The following CEP41 variants were observed in gnomAD, a reference collection of about 807,000 sequenced individuals.
CEP41 encodes centrosomal protein of 41 kDa.
In CEP41, 32 loss-of-function variants were observed where a neutral mutation model predicts 44.3. The observed-to-expected ratio is 0.72, with a 90% confidence interval of 0.54 to 0.97. The LOEUF (loss-of-function observed/expected upper bound fraction) is 0.97, where lower values mean the gene tolerates loss of function less well. CEP41 is among the 50% of genes least tolerant of loss of function. The pLI, the probability that CEP41 is intolerant of heterozygous loss-of-function variation, is 0.00. For synonymous variants in CEP41, 151 were observed against 168.5 expected, an observed-to-expected ratio of 0.90 and a Z score of 0.80; for missense variants, 432 against 455.2, an observed-to-expected ratio of 0.95 and a Z score of 0.46.
chr7:130,419,292 T>C (rs1161419383), intron 2 of CEP41: 22 of 985,446 alleles, frequency 2.2e-5, no homozygotes, highest in Non-Finnish European at 2.7e-5. Context: ...AATGGAGGAT[T>C]TCTTCCTTGC....
At chr7:130,425,719 T>C (rs1554423278) in intron 2 of CEP41, among the ~76,000 whole-genome samples, 1 of 152,392 alleles carries the variant, frequency 6.6e-6, no homozygotes, top group African/African-American at 2.4e-5. Context: ...ATAGCACTTA[T>C]ACTTTAATAG....
At chr7:130,437,193 T>C (rs1291753964) in intron 1 of CEP41, among the ~76,000 whole-genome samples, 3 of 152,016 alleles carry the variant, frequency 2.0e-5, no homozygotes, top group African/African-American at 7.3e-5. Flanking sequence ...GAACCAGTCA[T>C]ATAGGTTATC....
At chr7:130,403,850 T>C (rs1415769575) in intron 6 of CEP41, among the ~76,000 whole-genome samples, 1 of 152,236 alleles carries the variant, frequency 6.6e-6, no homozygotes, top group Non-Finnish European at 1.5e-5. Context: ...AAAGTAACTA[T>C]AATAATATAA....
rs67847969 is a variant in CEP41 at position 130,428,428 on chromosome 7, CAAAAAAAAAAA to C, written c.34-421_34-411del. Among the ~76,000 whole-genome samples, 153 of 38,090 alleles carry C rather than the reference CAAAAAAAAAAA, an allele frequency of 4.0e-3. 1 individual carries two copies. The highest frequency in any genetic ancestry group is 0.016 in the African/African-American group (144 of 8,924). 25.0% of individuals were successfully genotyped at this position (38,090 alleles called of 152,430 possible). A position where few individuals can be genotyped will look rare whatever the true frequency, so the allele number is the denominator to read the frequency against. On this transcript the variant is annotated intron_variant, in intron 1 of 10. Coordinates refer to ENST00000223208, the MANE Select transcript of CEP41 (RefSeq NM_018718.3). ...TGGGTGACAGAGAGAGACTCTGACT[CAAAAAAAAAAA>C]AAAAAAAAAAAAAAGATGGAATGAG...
In CEP41 at chr7:130,397,505, CATTT is replaced by C; in HGVS notation, c.*1382_*1385del. 6 of 371,204 alleles carry C rather than the reference CATTT, an allele frequency of 1.6e-5. No homozygotes were observed. The highest frequency in any genetic ancestry group is 7.3e-5 in the South Asian group (4 of 54,478). 23.0% of individuals were successfully genotyped at this position (371,204 alleles called of 1,614,324 possible). A position where few individuals can be genotyped will look rare whatever the true frequency, so the allele number is the denominator to read the frequency against. On this transcript the variant is annotated 3_prime_UTR_variant, in exon 11 of 11. Coordinates refer to ENST00000223208, the MANE Select transcript of CEP41 (RefSeq NM_018718.3). The stretch of plus-strand genomic sequence containing the variant: ...CCCCCATGCTAGAAATACTGTGGTG[CATTT>C]TTTTTTTTTTTTTTTTTTTTTTTTG...
Position 130,394,166 on chromosome 7 carries a change from C to T in CEP41, c.*4725G>A, listed in dbSNP as rs781972597. The stretch of plus-strand genomic sequence containing the variant: ...CAAAGGAGAACATGGTTGTGCCCAC[C>T]CAGAGTGAGAAGCATAGAGCGGAGT... On this transcript the variant is annotated 3_prime_UTR_variant, in exon 11 of 11. Transcript: ENST00000223208. 1 of 453,918 alleles carries T rather than the reference C, an allele frequency of 2.2e-6. No individual in the cohort carries two copies. Among genetic ancestry groups the T allele is most frequent in the African/African-American group, 2.0e-5 (1 of 49,968 alleles). The allele number at this position is 453,918 out of a possible 1,614,324, so 28.1% of individuals were successfully genotyped here. A position where few individuals can be genotyped will look rare whatever the true frequency, so the allele number is the denominator to read the frequency against.
chr7:130,418,568 C>T (rs1337204575), intron 2 of CEP41, among the ~76,000 whole-genome samples: 1 of 152,216 alleles, frequency 6.6e-6, no homozygotes, highest in African/African-American at 2.4e-5. Context: ...ATTGACGTGG[C>T]AGGTAGTTTC....
intron 2 of CEP41, 139 bp downstream of exon 2, chr7:130,427,816 A>G (rs1426060680): frequency 3.2e-6 from 2 of 631,482 alleles, no homozygotes; most frequent in Admixed American, 2.7e-5. Context: ...TTTCAAGGAT[A>G]AATCCTGAGC....
At chr7:130,429,718 T>C (rs1479815006) in intron 1 of CEP41, among the ~76,000 whole-genome samples, 1 of 152,214 alleles carries the variant, frequency 6.6e-6, no homozygotes, top group Non-Finnish European at 1.5e-5. Flanking sequence ...GCAAAATGTA[T>C]GTCCTCTGTA....
At chr7:130,431,719 G>C (rs782714645) in intron 1 of CEP41, among the ~76,000 whole-genome samples, 1 of 152,046 alleles carries the variant, frequency 6.6e-6, no homozygotes, top group Non-Finnish European at 1.5e-5. Context: ...ACTAGAGGGA[G>C]TACCAACAGT....
Position 130,416,907 on chromosome 7 carries a change from A to T in CEP41, c.145+12T>A. On this transcript the variant is annotated intron_variant, in intron 3 of 10. Coordinates refer to ENST00000223208, the MANE Select transcript of CEP41 (RefSeq NM_018718.3). ...ACTTCCACTCTCCCAAACCATCAAG[A>T]GTGTTACTTACTTTTCTTAATCTCT... The T allele has an allele frequency of 6.3e-7, 1 of 1,576,366 alleles. No homozygotes were observed. Among genetic ancestry groups the T allele is most frequent in the Non-Finnish European group, 8.7e-7 (1 of 1,145,674 alleles).
chr7:130,406,854 G>C (rs1258351549), intron 5 of CEP41, among the ~76,000 whole-genome samples: 2 of 151,638 alleles, frequency 1.3e-5, no homozygotes, highest in African/African-American at 4.8e-5. Context: ...AGCATTAGGA[G>C]ATATACCTAA....
At chr7:130,438,833 A>G (rs1584913477) in intron 1 of CEP41, among the ~76,000 whole-genome samples, 1 of 152,196 alleles carries the variant, frequency 6.6e-6, no homozygotes, top group Non-Finnish European at 1.5e-5. Flanking sequence ...TAGACAAATC[A>G]TAACTTTATA....
intron 9 of CEP41, 93 bp from the exon 10 acceptor site, chr7:130,400,347 T>C: frequency 1.1e-6 from 1 of 889,990 alleles, no homozygotes; most frequent in Non-Finnish European, 1.9e-6. Context: ...TAATCTCTGG[T>C]CATCAAGTTG....
intron 10 of CEP41, 51 bp from the exon 11 acceptor site, chr7:130,399,090 C>G (rs1554416205): frequency 6.2e-7 from 1 of 1,604,668 alleles, no homozygotes; most frequent in Non-Finnish European, 8.5e-7. Context: ...ATTCCAGGGA[C>G]AATCTGCCAA....
intron 2 of CEP41, 178 bp from the exon 3 acceptor site, chr7:130,417,144 A>C (rs1264744353): frequency 7.1e-7 from 1 of 1,415,962 alleles, no homozygotes. Flanking sequence ...AGCGTTATTA[A>C]AAGTTGCAGA....
chr7:130,411,283 A>G, intron 4 of CEP41, 92 bp from the exon 5 acceptor site: 1 of 988,526 alleles, frequency 1.0e-6, no homozygotes, highest in East Asian at 2.4e-5. Context: ...AACAACAAAC[A>G]TCAAAGATCT....
At chr7:130,430,868 C>T (rs958203839) in intron 1 of CEP41, among the ~76,000 whole-genome samples, 3 of 151,966 alleles carry the variant, frequency 2.0e-5, no homozygotes, top group Non-Finnish European at 4.4e-5. Flanking sequence ...TCTGCTGAAC[C>T]AAGGGGATTT....
chr7:130,422,238 T>A (rs1005631157), intron 2 of CEP41, among the ~76,000 whole-genome samples: 3 of 152,186 alleles, frequency 2.0e-5, no homozygotes, highest in African/African-American at 7.2e-5. Flanking sequence ...CTGAATTGCT[T>A]GCTGTTTGGT....
Sources: allele counts gnomAD v4.1 joint callset (sites outside exome capture counted in the v4.1 genomes callset), GRCh38; gene constraint gnomAD v4.1.1; transcripts MANE v1.5; gene names NCBI Gene and HGNC (gene_info 2026-07-23, HGNC 2026-07-21).